The following SRPK1 variants were observed in gnomAD, a reference collection of about 807,000 sequenced individuals.
SRPK1 encodes the protein SRSF protein kinase 1.
SRPK1 carries 52 observed loss-of-function variants against 89.5 expected under a neutral mutation model. That is an observed-to-expected ratio of 0.58 (90% CI 0.46 to 0.73). The LOEUF is 0.73. Among genes scored for constraint, SRPK1 ranks in the 30% least tolerant of loss-of-function variants. The pLI is 0.00. For missense variants in SRPK1, 603 were observed against 780.6 expected (o/e 0.77, Z 2.71); for synonymous variants, 255 against 270.2 (o/e 0.94, Z 0.55).
rs376600317 is a variant in SRPK1, at chr6:35,869,744, A to G, written c.1149T>C (p.Ala383=). The G allele has an allele frequency of 1.2e-6, 2 of 1,613,934 alleles. No individual in the cohort carries two copies. Among genetic ancestry groups the G allele is most frequent in the African/African-American group, 1.3e-5 (1 of 75,060 alleles). The part of the protein sequence containing the change: ...TLRHKEDLHN[A]NDCDVQNLNQ... ...TCAAATTTTGGACATCACAGTCATTAGCATTATGTAGATCCTCTTTATGTC... is the reference window on the plus strand; with the variant it reads ...TCAAATTTTGGACATCACAGTCATTGGCATTATGTAGATCCTCTTTATGTC... Residue 383 remains alanine (A), a synonymous_variant, in exon 11 of 16, where the codon GCT becomes GCC. Coordinates refer to ENST00000373825, the MANE Select transcript of SRPK1 (RefSeq NM_003137.5).
In SRPK1 at chr6:35,833,183, T is replaced by C. The variant is rs907367560; in HGVS notation, c.*2121A>G. 1 of 152,654 alleles carries C rather than the reference T, an allele frequency of 6.6e-6. No homozygotes were observed. The highest frequency in any genetic ancestry group is 1.5e-5 in the Non-Finnish European group (1 of 68,044). 9.5% of individuals were successfully genotyped at this position (152,654 alleles called of 1,614,324 possible). On this transcript the variant is annotated 3_prime_UTR_variant, in exon 16 of 16. Coordinates refer to ENST00000373825, the MANE Select transcript of SRPK1 (RefSeq NM_003137.5). The stretch of plus-strand genomic sequence containing the variant: ...GTGAGATCGTGGCAATTTGACAGTA[T>C]TATAATTAAGCTCAATAAAGGTACA...
chr6:35,843,333 TCA>T (rs146545836), intron 13 of SRPK1, among the ~76,000 whole-genome samples: 43,929 of 138,420 alleles, frequency 0.32, 6,657 homozygotes, highest in South Asian at 0.44. Context: ...ACAAAAAAAA[TCA>T]AAAAAAAAAA....
At chr6:35,841,660 C>T (rs559469939) in intron 14 of SRPK1, among the ~76,000 whole-genome samples, 2 of 152,002 alleles carry the variant, frequency 1.3e-5, no homozygotes, top group South Asian at 2.1e-4. Context: ...GGTGAAACCC[C>T]GTCTCTACTA....
chr6:35,862,555 C>T (rs1318491097), intron 12 of SRPK1, among the ~76,000 whole-genome samples: 3 of 152,050 alleles, frequency 2.0e-5, no homozygotes, highest in Admixed American at 6.6e-5. Flanking sequence ...AAAATTGGAA[C>T]AAGTGACTAC....
At chr6:35,846,700 A>G (rs543043986) in intron 13 of SRPK1, among the ~76,000 whole-genome samples, 2 of 152,316 alleles carry the variant, frequency 1.3e-5, no homozygotes, top group East Asian at 3.9e-4. Flanking sequence ...AAAAAATGGA[A>G]AAATTCCTTG....
In SRPK1 at chr6:35,853,495, C is replaced by T. The variant is rs74714912; in HGVS notation, c.1620+3766G>A. Among the ~76,000 whole-genome samples, 31 of 152,120 alleles carry T rather than the reference C, an allele frequency of 2.0e-4. No homozygotes were observed. The East Asian group carries it at 6.0e-3, about 29-fold the overall frequency. ...TCTGCAGGGGGTCTTAGAACCAATC[C>T]CCTGAGGACATTAAGGGATGACTGA... On this transcript the variant is annotated intron_variant, in intron 13 of 15. Transcript: ENST00000373825.
intron 2 of SRPK1, among the ~76,000 whole-genome samples, chr6:35,916,539 T>A (rs891466614): frequency 6.6e-6 from 1 of 152,198 alleles, no homozygotes; most frequent in African/African-American, 2.4e-5. Context: ...ATTTTTTTTT[T>A]AATTTGTGGC....
chr6:35,880,742 A>AAAGAAAGAAAGAAAG (rs1554152655), intron 6 of SRPK1, among the ~76,000 whole-genome samples: 1 of 28,176 alleles, frequency 3.5e-5, no homozygotes, highest in African/African-American at 3.1e-4. Context: ...AAAGAAAAAA[A>AAAGAAAGAAAGAAAG]AAAAAAAAGA....
chr6:35,903,207 T>C (rs149570736), intron 2 of SRPK1, among the ~76,000 whole-genome samples: 1 of 152,150 alleles, frequency 6.6e-6, no homozygotes, highest in African/African-American at 2.4e-5. Context: ...CTTACCCTAA[T>C]ATTTCAGGAA....
At chr6:35,863,717 C>T (rs545771195) in intron 12 of SRPK1, among the ~76,000 whole-genome samples, 1 of 151,966 alleles carries the variant, frequency 6.6e-6, no homozygotes, top group African/African-American at 2.4e-5. Flanking sequence ...CAACACCAGA[C>T]CTATCCTTAC....
intron 13 of SRPK1, among the ~76,000 whole-genome samples, chr6:35,853,627 T>C (rs1489414609): frequency 1.3e-5 from 2 of 152,204 alleles, no homozygotes; most frequent in African/African-American, 4.8e-5. Context: ...TGTGTAGCTA[T>C]ACTCCTAGAA....
At chr6:35,916,084 C>T (rs1771094512) in intron 2 of SRPK1, among the ~76,000 whole-genome samples, 1 of 139,394 alleles carries the variant, frequency 7.2e-6, no homozygotes. Flanking sequence ...GTTGGCTGGA[C>T]ACAGTGGTAT....
chr6:35,858,783 T>G (rs776361680), intron 12 of SRPK1, among the ~76,000 whole-genome samples: 1 of 152,002 alleles, frequency 6.6e-6, no homozygotes, highest in Non-Finnish European at 1.5e-5. Context: ...GACATATATA[T>G]AGAGAAAACA....
rs778938649 is a variant in SRPK1, at chr6:35,857,271, G to A, written c.1610C>T (p.Thr537Met). 1.5e-5 allele frequency: 24 copies of A among 1,611,176 alleles called. No homozygotes were observed. Among genetic ancestry groups the A allele is most frequent in the South Asian group, 9.9e-5 (9 of 90,564 alleles). ...GYNTPADIWSTACMAFELATG... is the reference protein window; with the variant it reads ...GYNTPADIWSMACMAFELATG... ...GGGAAAAAACATTACCATGCATGCC[G>A]TGCTCCAAATGTCAGCAGGGGTATT... Residue 537 changes from threonine to methionine, a missense_variant, in exon 13 of 16, where the codon ACG (threonine) becomes ATG (methionine). Transcript: ENST00000373825.
rs1226962230 is a variant in SRPK1 at position 35,872,693 on chromosome 6, G to A, written c.621C>T (p.Cys207=). 2.5e-6 allele frequency: 4 copies of A among 1,608,698 alleles called. No individual in the cohort carries two copies. In the African/African-American group the frequency reaches 4.0e-5, roughly 16 times the overall value. The change falls in exon 8 of 16, where the codon TGC becomes TGT. Residue 207 remains cysteine, a synonymous_variant. Coordinates refer to ENST00000373825, the MANE Select transcript of SRPK1 (RefSeq NM_003137.5). The part of the protein sequence containing the change: ...LQGLDYLHTK[C]RIIHTDIKPE... Reference sequence around the variant, plus strand: ...GTTTAATGTCAGTGTGGATGATACGGCACTTGGTATGTAAATAATCAAGAC... The same window carrying A: ...GTTTAATGTCAGTGTGGATGATACGACACTTGGTATGTAAATAATCAAGAC...
At chr6:35,859,367 G>A (rs1227006565) in intron 12 of SRPK1, among the ~76,000 whole-genome samples, 4 of 152,098 alleles carry the variant, frequency 2.6e-5, no homozygotes, top group Non-Finnish European at 5.9e-5. Context: ...CCCCCACTGT[G>A]TACACGCATG....
intron 13 of SRPK1, among the ~76,000 whole-genome samples, chr6:35,855,677 C>T (rs776842731): frequency 1.3e-5 from 2 of 152,108 alleles, no homozygotes; most frequent in Non-Finnish European, 2.9e-5. Context: ...TGTCTTTATC[C>T]ATGGTGGGTC....
At chr6:35,859,033 G>A (rs1380459394) in intron 12 of SRPK1, among the ~76,000 whole-genome samples, 1 of 152,184 alleles carries the variant, frequency 6.6e-6, no homozygotes, top group Non-Finnish European at 1.5e-5. Context: ...AACTAAGCAA[G>A]TGAAACATGT....
chr6:35,888,636 C>T (rs751048108), intron 4 of SRPK1, among the ~76,000 whole-genome samples, 179 bp downstream of exon 4: 1 of 152,180 alleles, frequency 6.6e-6, no homozygotes, highest in Non-Finnish European at 1.5e-5. Flanking sequence ...ATATATAATA[C>T]TGATTCTTCA....
Sources: allele counts gnomAD v4.1 joint callset (sites outside exome capture counted in the v4.1 genomes callset), GRCh38; gene constraint gnomAD v4.1.1; transcripts MANE v1.5; gene names NCBI Gene and HGNC (gene_info 2026-07-23, HGNC 2026-07-21).